Variants in SNX27 observed in about 807,000 individuals in gnomAD.
SNX27 encodes sorting nexin-27.
In SNX27, 22 loss-of-function variants were observed where a neutral mutation model predicts 71.6. That is an observed-to-expected ratio of 0.31 (90% CI 0.22 to 0.44). The LOEUF is 0.44. Among genes scored for constraint, SNX27 ranks in the 20% least tolerant of loss-of-function variants. The pLI, the probability that SNX27 is intolerant of heterozygous loss-of-function variation, is 1.00. For missense variants in SNX27, 531 were observed against 698.6 expected, an observed-to-expected ratio of 0.76 and a Z score of 2.70; for synonymous variants, 269 against 277.2, an observed-to-expected ratio of 0.97 and a Z score of 0.29.
intron 1 of SNX27, among the ~76,000 whole-genome samples, chr1:151,637,881 A>G (rs1668540519): frequency 6.6e-6 from 1 of 152,356 alleles, no homozygotes; most frequent in Admixed American, 6.5e-5. Context: ...AAGGGTAGAT[A>G]AGCTTTAAAT....
intron 7 of SNX27, among the ~76,000 whole-genome samples, chr1:151,672,293 T>C (rs942720384): frequency 2.6e-5 from 4 of 152,246 alleles, no homozygotes; most frequent in African/African-American, 9.6e-5. Flanking sequence ...ATATGCTGTG[T>C]CACATTGATT....
intron 1 of SNX27, among the ~76,000 whole-genome samples, chr1:151,636,640 T>C (rs1471188253): frequency 6.9e-6 from 1 of 144,312 alleles, no homozygotes; most frequent in Non-Finnish European, 1.5e-5. Flanking sequence ...GGCCAGTCTT[T>C]AAGGTGTCAG....
intron 11 of SNX27, chr1:151,693,685 C>T: frequency 1.9e-6 from 3 of 1,611,988 alleles, no homozygotes; most frequent in Non-Finnish European, 1.7e-6. Flanking sequence ...TGCAAAAAAG[C>T]CCTGCTTCTT....
chr1:151,650,046 C>A (rs1409991574), intron 2 of SNX27, among the ~76,000 whole-genome samples: 2 of 152,054 alleles, frequency 1.3e-5, no homozygotes, highest in African/African-American at 4.8e-5. Context: ...CATCACCACA[C>A]CCGGCTAATT....
At chr1:151,618,130 C>A (rs1025423263) in intron 1 of SNX27, among the ~76,000 whole-genome samples, 2 of 151,680 alleles carry the variant, frequency 1.3e-5, no homozygotes, top group Non-Finnish European at 1.5e-5. Flanking sequence ...CCTCCTAAAC[C>A]GCTGGCATTG....
Position 151,692,432 on chromosome 1 carries a change from T to TTTTAAAAAAAA in SNX27, c.1240-3_1240-2insTTTAAAAAAAA. On this transcript the variant is annotated splice_polypyrimidine_tract_variant and splice_region_variant and intron_variant, in intron 8 of 11. Coordinates refer to ENST00000458013, the MANE Select transcript of SNX27 (RefSeq NM_001330723.2). ...TTTTTTTTTTTTTTTTTTTTTTTTTTAGTACCTCAACATGCTAAGGACTTG... is the reference window on the plus strand; with the variant it reads ...TTTTTTTTTTTTTTTTTTTTTTTTTTTTTAAAAAAAAAGTACCTCAACATGCTAAGGACTTG... 2.8e-6 allele frequency: 4 copies of TTTTAAAAAAAA among 1,452,064 alleles called. No homozygotes were observed. The highest frequency in any genetic ancestry group is 3.6e-6 in the Non-Finnish European group (4 of 1,101,922). 89.9% of individuals were successfully genotyped at this position (1,452,064 alleles called of 1,614,324 possible). A position where few individuals can be genotyped will look rare whatever the true frequency, so the allele number is the denominator to read the frequency against.
chr1:151,694,752 A>G lies in SNX27; in HGVS notation c.*335A>G, dbSNP rs975514887. ...GTACTATATTTTTAAAACTGGAACTATGAACTTCATCCATTTGCACTGTTC... is the reference window on the plus strand; with the variant it reads ...GTACTATATTTTTAAAACTGGAACTGTGAACTTCATCCATTTGCACTGTTC... On this transcript the variant is annotated 3_prime_UTR_variant, in exon 12 of 12. Transcript: ENST00000458013. 7.0e-5 allele frequency: 16 copies of G among 229,588 alleles called. No individual in the cohort carries two copies. Among genetic ancestry groups the G allele is most frequent in the Non-Finnish European group, 1.2e-4 (14 of 118,006 alleles). The allele number at this position is 229,588 out of a possible 1,614,324, so 14.2% of individuals were successfully genotyped here.
chr1:151,693,945 C>T, intron 11 of SNX27: 1 of 1,293,954 alleles, frequency 7.7e-7, no homozygotes, highest in Non-Finnish European at 9.8e-7. Context: ...AGTGCTGGAA[C>T]AGAATTTGGA....
At chr1:151,636,546 T>C (rs1196344) in intron 1 of SNX27, among the ~76,000 whole-genome samples, 140,574 of 151,930 alleles carry the variant, frequency 0.93, 65,705 homozygotes, top group Non-Finnish European at 0.99. Context: ...CTCAAGTGAT[T>C]CATCTGCCTT....
chr1:151,689,816 T>A (rs1192073810), intron 8 of SNX27, among the ~76,000 whole-genome samples: 1 of 151,974 alleles, frequency 6.6e-6, no homozygotes, highest in East Asian at 1.9e-4. Context: ...TAGGGTGTTC[T>A]TTTTCTTTTA....
At chr1:151,621,674 G>T (rs1667682305) in intron 1 of SNX27, among the ~76,000 whole-genome samples, 1 of 152,156 alleles carries the variant, frequency 6.6e-6, no homozygotes, top group African/African-American at 2.4e-5. Context: ...AACTAGGAAG[G>T]TTGTCTCTTC....
chr1:151,694,070 G>C, intron 11 of SNX27: 1 of 1,239,534 alleles, frequency 8.1e-7, no homozygotes, highest in Non-Finnish European at 1.0e-6. Flanking sequence ...ATTGGGCTCT[G>C]GGAATTTTAT....
intron 8 of SNX27, among the ~76,000 whole-genome samples, chr1:151,688,388 C>T (rs1165842684): frequency 6.6e-6 from 1 of 152,180 alleles, no homozygotes; most frequent in Non-Finnish European, 1.5e-5. Context: ...AATCCCAGCA[C>T]TTTGGGAGGC....
chr1:151,679,793 G>T (rs1607933), intron 7 of SNX27: 3 of 152,030 alleles, frequency 2.0e-5, no homozygotes, highest in African/African-American at 7.2e-5. Context: ...TTGAGAAGTT[G>T]GGGGAAGAGG....
intron 1 of SNX27, among the ~76,000 whole-genome samples, chr1:151,633,120 C>T (rs1429662814): frequency 6.6e-6 from 1 of 152,118 alleles, no homozygotes; most frequent in Non-Finnish European, 1.5e-5. Flanking sequence ...GATCTGCCCT[C>T]CTCAGCCTCC....
At chr1:151,626,001 C>T (rs1010819616) in intron 1 of SNX27, among the ~76,000 whole-genome samples, 7 of 152,014 alleles carry the variant, frequency 4.6e-5, no homozygotes, top group Admixed American at 2.0e-4. Context: ...CAATGGCCCA[C>T]ACATGTAATC....
rs1230280799 is a variant in SNX27, at chr1:151,668,480, T to C, written c.994T>C (p.Leu332=). 1 of 1,610,506 alleles carries C rather than the reference T, an allele frequency of 6.2e-7. No individual in the cohort carries two copies. The highest frequency in any genetic ancestry group is 1.3e-5 in the African/African-American group (1 of 74,740). Reference sequence around the variant, plus strand: ...TTTTGTCTTTCCTTTAGTACGTAAATTGGCACCTAATGAGTTTCCTCACAA... The same window carrying C: ...TTTTGTCTTTCCTTTAGTACGTAAACTGGCACCTAATGAGTTTCCTCACAA... The part of the protein sequence containing the change: ...EVISHSFVRK[L]APNEFPHKLY... The change falls in exon 7 of 12, where the codon TTG becomes CTG. Residue 332 remains leucine, a synonymous_variant. Transcript: ENST00000458013.
intron 11 of SNX27, chr1:151,694,006 C>G: frequency 8.2e-7 from 1 of 1,217,404 alleles, no homozygotes; most frequent in Non-Finnish European, 1.0e-6. Context: ...TTGAAAGAAT[C>G]AGGAGGTCAA....
chr1:151,698,273 C>G lies in SNX27; in HGVS notation c.*3856C>G, dbSNP rs918518907. On this transcript the variant is annotated 3_prime_UTR_variant, in exon 12 of 12. Coordinates refer to ENST00000458013, the MANE Select transcript of SNX27 (RefSeq NM_001330723.2). ...GGGCACTGACAGGAGATGAAACTCT[C>G]TCCTATCTCAGAATTTGCCAACTTC... 3.3e-5 allele frequency: 5 copies of G among 152,634 alleles called. No individual in the cohort carries two copies. The highest frequency in any genetic ancestry group is 5.9e-5 in the Non-Finnish European group (4 of 68,034). 9.5% of individuals were successfully genotyped at this position (152,634 alleles called of 1,614,324 possible). A position where few individuals can be genotyped will look rare whatever the true frequency, so the allele number is the denominator to read the frequency against.
Sources: gnomAD v4.1 joint callset for allele counts (sites outside exome capture counted in the v4.1 genomes callset) on GRCh38, gnomAD v4.1.1 for gene constraint, MANE v1.5 for transcripts, NCBI Gene and HGNC (gene_info 2026-07-23, HGNC 2026-07-21) for gene names.